ATP8A2: variants seen among roughly 807,000 people sequenced by gnomAD.
ATP8A2 encodes ATPase phospholipid transporting 8A2.
ATP8A2 carries 100 observed loss-of-function variants against 165.6 expected under a neutral mutation model. The ratio of observed to expected loss-of-function variants is 0.60; its 90% CI spans 0.51 to 0.71. The LOEUF (loss-of-function observed/expected upper bound fraction) is 0.71, where lower values mean the gene tolerates loss of function less well. Ranked by LOEUF, ATP8A2 falls within the 30% of genes least tolerant of loss-of-function variation. The pLI, the probability that ATP8A2 is intolerant of heterozygous loss-of-function variation, is 0.00. For missense variants in ATP8A2, 1,227 were observed against 1,479.5 expected, an observed-to-expected ratio of 0.83 and a Z score of 2.80; for synonymous variants, 543 against 548.8, an observed-to-expected ratio of 0.99 and a Z score of 0.15.
At chr13:25,554,529 ATGTGTGTGTG>A (rs71077486) in intron 12 of ATP8A2, among the ~76,000 whole-genome samples, 7 of 140,454 alleles carry the variant, frequency 5.0e-5, no homozygotes, top group East Asian at 4.6e-4. Flanking sequence ...GTGTGTGTGT[ATGTGTGTGTG>A]TGTGTGTGTG....
chr13:25,835,741 A>G (rs1446223629), intron 28 of ATP8A2, among the ~76,000 whole-genome samples: 1 of 152,118 alleles, frequency 6.6e-6, no homozygotes, highest in Non-Finnish European at 1.5e-5. Flanking sequence ...GGTGAAAGTC[A>G]CAAGTCTTGC....
chr13:25,372,547 C>T lies in ATP8A2; in HGVS notation c.76+259C>T, dbSNP rs997630840. Among the ~76,000 whole-genome samples, 15 of 152,122 alleles carry T rather than the reference C, an allele frequency of 9.9e-5. No homozygotes were observed. The highest frequency in any genetic ancestry group is 2.9e-4 in the African/African-American group (12 of 41,440). On this transcript the variant is annotated intron_variant, in intron 1 of 36. Coordinates refer to ENST00000381655, the MANE Select transcript of ATP8A2 (RefSeq NM_016529.6). The surrounding 1 kb of genome is among the most constrained non-coding windows in gnomAD (Gnocchi z 4.8). ...CAGAGACCCCCGGCTCGTCCCTGTA[C>T]AGATGTGTGTGTGTGTGTGCGGCCT...
intron 2 of ATP8A2, among the ~76,000 whole-genome samples, chr13:25,499,946 CAG>C (rs1192961313): frequency 6.6e-6 from 1 of 152,084 alleles, no homozygotes; most frequent in African/African-American, 2.4e-5. Context: ...AGATACCAGG[CAG>C]AGAAGACAGC....
At chr13:25,818,308 G>A (rs1292728148) in intron 27 of ATP8A2, among the ~76,000 whole-genome samples, 1 of 152,138 alleles carries the variant, frequency 6.6e-6, no homozygotes, top group Non-Finnish European at 1.5e-5. Context: ...GTGTGCTTAT[G>A]TGCTTATAGT....
At chr13:25,524,837 T>A (rs2037784849) in intron 2 of ATP8A2, among the ~76,000 whole-genome samples, 1 of 151,960 alleles carries the variant, frequency 6.6e-6, no homozygotes, top group South Asian at 2.1e-4. Context: ...CATTGATAAG[T>A]AAGGACTTAC....
At chr13:25,577,954 A>G (rs2039664386) in intron 20 of ATP8A2, among the ~76,000 whole-genome samples, 1 of 152,186 alleles carries the variant, frequency 6.6e-6, no homozygotes, top group Non-Finnish European at 1.5e-5. Context: ...TAAAGGCATT[A>G]TATTTGGACT....
chr13:25,593,040 C>T (rs552914853), intron 24 of ATP8A2, among the ~76,000 whole-genome samples: 3 of 152,140 alleles, frequency 2.0e-5, no homozygotes, highest in Non-Finnish European at 4.4e-5. Flanking sequence ...AGATTCTACT[C>T]CTTCCTTGCC....
rs552555470 is a variant in ATP8A2 at position 25,953,086 on chromosome 13, G to A, written c.3184-8489G>A. On this transcript the variant is annotated intron_variant, in intron 33 of 36. Coordinates refer to ENST00000381655, the MANE Select transcript of ATP8A2 (RefSeq NM_016529.6). This position sits in a 1 kb window ranked among gnomAD's most constrained non-coding sequence, Gnocchi z 6.7. ...CAACTGCAAGGGTTCTTCCAAATCC[G>A]ATTGTCCTGACAGGTTTTGTTTTAT... Among the ~76,000 whole-genome samples the A allele has an allele frequency of 1.2e-4, 19 of 152,310 alleles. No homozygotes were observed. The highest frequency in any genetic ancestry group is 2.2e-4 in the African/African-American group (9 of 41,576).
At chr13:25,456,075 T>A (rs1427301970) in intron 1 of ATP8A2, among the ~76,000 whole-genome samples, 2 of 152,224 alleles carry the variant, frequency 1.3e-5, no homozygotes, top group African/African-American at 4.8e-5. Flanking sequence ...GTTGTTCATG[T>A]TGCAGCATAT....
At chr13:25,558,948 A>G (rs2039062498) in intron 13 of ATP8A2, 25 bp from the exon 14 acceptor site, 4 of 1,472,620 alleles carry the variant, frequency 2.7e-6, no homozygotes, top group Admixed American at 3.6e-5. Context: ...TTCCTGATGT[A>G]TATTTCTTTT....
intron 33 of ATP8A2, among the ~76,000 whole-genome samples, chr13:25,939,726 C>T (rs537309620): frequency 2.6e-5 from 4 of 152,328 alleles, no homozygotes; most frequent in East Asian, 1.9e-4. Flanking sequence ...TCTTAGCATC[C>T]GATTCCCCGA....
chr13:25,685,655 CA>C lies in ATP8A2; in HGVS notation c.2212-13516del, dbSNP rs968487678. ...GCATGGAAATCTGGGAGAATGGATGCAAGGGAGCAGCAGGTCAGCCTATTAG... is the reference window on the plus strand; with the variant it reads ...GCATGGAAATCTGGGAGAATGGATGCAGGGAGCAGCAGGTCAGCCTATTAG... On this transcript the variant is annotated intron_variant, in intron 24 of 36. Coordinates refer to ENST00000381655, the MANE Select transcript of ATP8A2 (RefSeq NM_016529.6). Among the ~76,000 whole-genome samples the C allele has an allele frequency of 2.9e-4, 44 of 152,194 alleles. 2 individuals are homozygous for C. Among genetic ancestry groups the C allele is most frequent in the African/African-American group, 1.0e-3 (43 of 41,460 alleles).
chr13:25,750,683 CAT>C lies in ATP8A2; in HGVS notation c.2385-18360_2385-18359del, dbSNP rs2044134976. ...CTGGGGGCCCTGTCGGCAGGTACCT[CAT>C]ATGTGTAGTTTTGGCATCGAGTTTA... On this transcript the variant is annotated intron_variant, in intron 25 of 36. Coordinates refer to ENST00000381655, the MANE Select transcript of ATP8A2 (RefSeq NM_016529.6). This position sits in a 1 kb window ranked among gnomAD's most constrained non-coding sequence, Gnocchi z 4.3. Among the ~76,000 whole-genome samples, 2 of 152,062 alleles carry C rather than the reference CAT, an allele frequency of 1.3e-5. No homozygotes were observed. The highest frequency in any genetic ancestry group is 4.8e-5 in the African/African-American group (2 of 41,376).
intron 36 of ATP8A2, 56 bp from the exon 37 acceptor site, chr13:26,019,832 A>G (rs2139381043): frequency 7.8e-7 from 1 of 1,278,348 alleles, no homozygotes; most frequent in Non-Finnish European, 1.1e-6. Flanking sequence ...TTTTAAACCT[A>G]GTGTGCTCCC....
intron 24 of ATP8A2, among the ~76,000 whole-genome samples, chr13:25,679,888 T>C (rs1048809537): frequency 6.6e-6 from 1 of 151,664 alleles, no homozygotes; most frequent in African/African-American, 2.4e-5. Flanking sequence ...AAATAGGAGG[T>C]CAAGGGGATT....
At chr13:25,446,963 C>T (rs1025494061) in intron 1 of ATP8A2, among the ~76,000 whole-genome samples, 2 of 152,154 alleles carry the variant, frequency 1.3e-5, no homozygotes, top group African/African-American at 4.8e-5. Context: ...TTAAGCAATC[C>T]TCCCACCTTA....
At chr13:25,762,595 T>A (rs1416447899) in intron 25 of ATP8A2, among the ~76,000 whole-genome samples, 1 of 152,210 alleles carries the variant, frequency 6.6e-6, no homozygotes, top group Non-Finnish European at 1.5e-5. Flanking sequence ...TAAATAGAAC[T>A]GTATTTTTTT....
At chr13:25,562,503 G>A (rs78236508) in intron 15 of ATP8A2, among the ~76,000 whole-genome samples, 5,802 of 152,250 alleles carry the variant, frequency 0.038, 133 homozygotes, top group Non-Finnish European at 0.05. Context: ...GGTCAGCCAG[G>A]ACCCACTATT....
At chr13:25,385,798 C>G (rs2033019886) in intron 1 of ATP8A2, among the ~76,000 whole-genome samples, 1 of 151,838 alleles carries the variant, frequency 6.6e-6, no homozygotes, top group Middle Eastern at 3.2e-3. Flanking sequence ...CTCAAGCAAT[C>G]CTCTCACCTT....
Sources: allele counts gnomAD v4.1 joint callset (sites outside exome capture counted in the v4.1 genomes callset), GRCh38; gene constraint gnomAD v4.1.1; non-coding constraint Gnocchi (gnomAD v3.1); transcripts MANE v1.5; gene names NCBI Gene and HGNC (gene_info 2026-07-23, HGNC 2026-07-21).